The following SLC16A7 variants were observed in gnomAD, a reference collection of about 807,000 sequenced individuals.
SLC16A7 encodes monocarboxylate transporter 2.
SLC16A7 carries 33 observed loss-of-function variants against 34.9 expected under a neutral mutation model. The ratio of observed to expected loss-of-function variants is 0.94; its 90% CI spans 0.72 to 1.26. The LOEUF (loss-of-function observed/expected upper bound fraction) is 1.26. SLC16A7 is among the 50% of genes most tolerant of loss of function. The probability of loss-of-function intolerance (pLI) is 0.00; values close to 1 mark genes in which losing one functional copy is unlikely to be tolerated. For synonymous variants in SLC16A7, 201 were observed against 206.6 expected (o/e 0.97, Z 0.23); for missense variants, 573 against 578.1 (o/e 0.99, Z 0.09).
chr12:59,717,391 A>G (rs894668612), intron 3 of SLC16A7, among the ~76,000 whole-genome samples: 3 of 152,204 alleles, frequency 2.0e-5, no homozygotes, highest in Non-Finnish European at 2.9e-5. Flanking sequence ...AAATATCTAC[A>G]CAGAGTTAGT....
intron 1 of SLC16A7, among the ~76,000 whole-genome samples, chr12:59,608,813 C>T (rs947592741): frequency 1.3e-5 from 2 of 151,866 alleles, no homozygotes; most frequent in South Asian, 2.1e-4. Flanking sequence ...TACCTGAATC[C>T]GTTATCTACA....
At chr12:59,661,078 G>C (rs1868825378) in intron 2 of SLC16A7, among the ~76,000 whole-genome samples, 1 of 152,046 alleles carries the variant, frequency 6.6e-6, no homozygotes, top group African/African-American at 2.4e-5. Context: ...TTCCTATGTG[G>C]AGGAGAAGTG....
At position 59,775,222 on chromosome 12, in the gene SLC16A7, T is replaced by C; in HGVS notation, c.927T>C (p.Ile309=). The change falls in exon 5 of 6, where the codon ATT becomes ATC. Residue 309 remains isoleucine (I), a synonymous_variant. Transcript: ENST00000547379. The part of the protein sequence containing the change: ...SVGLIANSKY[I]RPRIQYFFSF... The stretch of plus-strand genomic sequence containing the variant: ...GATTAATTGCAAACTCCAAATATAT[T>C]CGACCTCGAATTCAGTACTTCTTCA... 1 of 1,614,152 alleles carries C rather than the reference T, an allele frequency of 6.2e-7. No individual in the cohort carries two copies. Among genetic ancestry groups the C allele is most frequent in the African/African-American group, 1.3e-5 (1 of 75,052 alleles).
At chr12:59,635,323 T>C (rs1880369166) in intron 1 of SLC16A7, among the ~76,000 whole-genome samples, 1 of 152,042 alleles carries the variant, frequency 6.6e-6, no homozygotes, top group Non-Finnish European at 1.5e-5. Flanking sequence ...CTTATTAACA[T>C]TGATTGCCTG....
intron 1 of SLC16A7, among the ~76,000 whole-genome samples, chr12:59,629,627 A>T (rs1880088406): frequency 6.6e-6 from 1 of 152,018 alleles, no homozygotes; most frequent in African/African-American, 2.4e-5. Flanking sequence ...TTCCACTATA[A>T]AGCACTTAAG....
At chr12:59,640,594 C>A (rs1880638828) in intron 1 of SLC16A7, among the ~76,000 whole-genome samples, 1 of 152,104 alleles carries the variant, frequency 6.6e-6, no homozygotes, top group African/African-American at 2.4e-5. Flanking sequence ...ATCCATGCCA[C>A]CGTTTACTAC....
intron 5 of SLC16A7, among the ~76,000 whole-genome samples, chr12:59,776,249 A>G (rs932145249): frequency 3.3e-5 from 5 of 152,210 alleles, no homozygotes; most frequent in African/African-American, 1.2e-4. Context: ...AATGTACATT[A>G]CAGAAGCATT....
chr12:59,766,456 T>C (rs1278846117), intron 3 of SLC16A7, among the ~76,000 whole-genome samples: 1 of 152,186 alleles, frequency 6.6e-6, no homozygotes, highest in African/African-American at 2.4e-5. Flanking sequence ...AGTATGATAT[T>C]GGCTGTGGGT....
chr12:59,672,787 A>G (rs75917837), intron 2 of SLC16A7, among the ~76,000 whole-genome samples: 1,828 of 151,488 alleles, frequency 0.012, 24 homozygotes, highest in Non-Finnish European at 0.016. Context: ...ACAGTTCTGT[A>G]TTACCTATTG....
rs1225171353 is a variant in SLC16A7, at chr12:59,781,898, A to C, written c.*2219A>C. The C allele has an allele frequency of 1.3e-5, 2 of 151,092 alleles. No individual in the cohort carries two copies. The highest frequency in any genetic ancestry group is 3.0e-5 in the Non-Finnish European group (2 of 67,530). The allele number at this position is 151,092 out of a possible 1,614,324, so 9.4% of individuals were successfully genotyped here. A position where few individuals can be genotyped will look rare whatever the true frequency, so the allele number is the denominator to read the frequency against. On this transcript the variant is annotated 3_prime_UTR_variant, in exon 6 of 6. Coordinates refer to ENST00000547379, the MANE Select transcript of SLC16A7 (RefSeq NM_001270623.2). Reference sequence around the variant, plus strand: ...TAATAATCATGAGGTTTTAGGTCAAAGACTACATTATATATATTTTTTATT... The same window carrying C: ...TAATAATCATGAGGTTTTAGGTCAACGACTACATTATATATATTTTTTATT...
intron 1 of SLC16A7, among the ~76,000 whole-genome samples, chr12:59,625,729 G>A (rs1879897307): frequency 6.6e-6 from 1 of 151,754 alleles, no homozygotes; most frequent in Non-Finnish European, 1.5e-5. Flanking sequence ...CTTAGCTGTG[G>A]CCTTGGGTAA....
At chr12:59,619,192 A>T (rs1471805503) in intron 1 of SLC16A7, among the ~76,000 whole-genome samples, 3 of 152,116 alleles carry the variant, frequency 2.0e-5, no homozygotes, top group Non-Finnish European at 4.4e-5. Flanking sequence ...TAGGAGTCAA[A>T]CAAAGGGAAA....
At chr12:59,717,927 G>C (rs947232594) in intron 3 of SLC16A7, among the ~76,000 whole-genome samples, 5 of 151,634 alleles carry the variant, frequency 3.3e-5, no homozygotes, top group African/African-American at 1.2e-4. Context: ...ACACAGAAAT[G>C]CCTTTTGAAA....
intron 3 of SLC16A7, among the ~76,000 whole-genome samples, chr12:59,725,019 A>C (rs1232082846): frequency 7.0e-6 from 1 of 142,180 alleles, no homozygotes; most frequent in Non-Finnish European, 1.5e-5. Context: ...TTCTTTACCA[A>C]GGAATAATAG....
At chr12:59,722,208 T>C (rs1037580002) in intron 3 of SLC16A7, among the ~76,000 whole-genome samples, 3 of 151,972 alleles carry the variant, frequency 2.0e-5, no homozygotes, top group South Asian at 2.1e-4. Flanking sequence ...GTCAAAAACA[T>C]TGGAGCCATG....
intron 1 of SLC16A7, among the ~76,000 whole-genome samples, chr12:59,619,516 G>A (rs1450800300): frequency 1.9e-4 from 29 of 151,964 alleles, no homozygotes; most frequent in Admixed American, 1.9e-3. Flanking sequence ...AATTCTTTGT[G>A]TCATTTACAT....
chr12:59,723,932 A>G (rs1875924306), intron 3 of SLC16A7, among the ~76,000 whole-genome samples: 1 of 152,010 alleles, frequency 6.6e-6, no homozygotes, highest in Admixed American at 6.6e-5. Flanking sequence ...ATATTTTACC[A>G]ATTTTCATCT....
chr12:59,702,686 T>C (rs760543389), intron 2 of SLC16A7, among the ~76,000 whole-genome samples: 15 of 152,158 alleles, frequency 9.9e-5, no homozygotes, highest in Non-Finnish European at 1.9e-4. Context: ...AAAAAATCTT[T>C]CAAGTTATTT....
chr12:59,730,357 AAAAAAC>A (rs1220409944), intron 3 of SLC16A7, among the ~76,000 whole-genome samples: 11 of 151,908 alleles, frequency 7.2e-5, no homozygotes, highest in Admixed American at 7.2e-4. Flanking sequence ...TAAAAAAAAA[AAAAAAC>A]AGACAACACA....
Sources: gnomAD v4.1 joint callset for allele counts (sites outside exome capture counted in the v4.1 genomes callset) on GRCh38, gnomAD v4.1.1 for gene constraint, MANE v1.5 for transcripts, NCBI Gene and HGNC (gene_info 2026-07-23, HGNC 2026-07-21) for gene names.